The following BMPR1B variants were observed in gnomAD, a reference collection of about 807,000 sequenced individuals.
BMPR1B encodes the protein bone morphogenetic protein receptor type 1B.
Under a neutral mutation model 59.1 loss-of-function variants are expected in BMPR1B, and 12 were observed. The observed-to-expected ratio is 0.20, with a 90% confidence interval of 0.13 to 0.33. The LOEUF (loss-of-function observed/expected upper bound fraction) is 0.33. Ranked by LOEUF, BMPR1B falls within the 10% of genes least tolerant of loss-of-function variation. BMPR1B has a pLI of 1.00. For synonymous variants in BMPR1B, 237 were observed against 207.3 expected (o/e 1.14, Z -1.23); for missense variants, 550 against 610.9 (o/e 0.90, Z 1.05).
At chr4:94,848,546 T>A (rs1725433440) in intron 1 of BMPR1B, among the ~76,000 whole-genome samples, 1 of 152,134 alleles carries the variant, frequency 6.6e-6, no homozygotes, top group Non-Finnish European at 1.5e-5. Context: ...AAGAGGGAGA[T>A]CAGAGAGGTA....
Position 95,128,345 on chromosome 4 carries a change from C to A in BMPR1B, c.586-1517C>A, listed in dbSNP as rs551627964. 1.7e-3 allele frequency among the ~76,000 whole-genome samples: 264 copies of A among 152,244 alleles called. 1 individual carries two copies. The highest frequency in any genetic ancestry group is 0.01 in the Middle Eastern group (3 of 294). On this transcript the variant is annotated intron_variant, in intron 8 of 12. Coordinates refer to ENST00000515059, the MANE Select transcript of BMPR1B (RefSeq NM_001203.3). The stretch of plus-strand genomic sequence containing the variant: ...AGTTTTTAATTGGTGTAAAGTATAT[C>A]TCTACAAAGAATACGTTCCAGTTTG...
At chr4:94,998,625 G>A (rs1016550123) in intron 3 of BMPR1B, among the ~76,000 whole-genome samples, 7 of 151,912 alleles carry the variant, frequency 4.6e-5, no homozygotes, top group African/African-American at 9.7e-5. Context: ...TGCCTGTCTC[G>A]GCCTCCCAAA....
rs530441718 is a variant in BMPR1B at position 95,013,182 on chromosome 4, C to G, written c.-18+17048C>G. The stretch of plus-strand genomic sequence containing the variant: ...ACACAGATTTAGTAAATATGACTTT[C>G]AAAAGTCCCACCAACAATGACTATA... On this transcript the variant is annotated intron_variant, in intron 3 of 12. Transcript: ENST00000515059. Among the ~76,000 whole-genome samples the G allele has an allele frequency of 7.9e-5, 12 of 151,656 alleles. No homozygotes were observed. The South Asian group carries it at 1.5e-3, about 18-fold the overall frequency.
intron 1 of BMPR1B, among the ~76,000 whole-genome samples, chr4:94,862,062 C>T (rs1288629979): frequency 6.6e-6 from 1 of 151,644 alleles, no homozygotes; most frequent in Non-Finnish European, 1.5e-5. Context: ...CCACACAGTA[C>T]CTGTCAACCA....
intron 2 of BMPR1B, among the ~76,000 whole-genome samples, chr4:94,881,545 A>C (rs375150768): frequency 2.6e-5 from 4 of 151,964 alleles, no homozygotes; most frequent in African/African-American, 9.7e-5. Context: ...AGCTCACTGC[A>C]ACCTCCACCT....
intron 3 of BMPR1B, among the ~76,000 whole-genome samples, chr4:95,068,657 C>T (rs1194495871): frequency 6.6e-6 from 1 of 152,144 alleles, no homozygotes; most frequent in Admixed American, 6.6e-5. Flanking sequence ...TCCTTTTATT[C>T]CATGGGTTGG....
At chr4:94,940,360 A>G (rs1312052722) in intron 2 of BMPR1B, among the ~76,000 whole-genome samples, 2 of 152,180 alleles carry the variant, frequency 1.3e-5, no homozygotes, top group Admixed American at 6.5e-5. Flanking sequence ...AAGTGTTAGT[A>G]TATTTTATGT....
rs539171172 is a variant in BMPR1B, at chr4:94,887,889, T to C, written c.-113+11989T>C. Among the ~76,000 whole-genome samples, 8 of 152,202 alleles carry C rather than the reference T, an allele frequency of 5.3e-5. No homozygotes were observed. The East Asian group carries it at 1.5e-3, about 29-fold the overall frequency. On this transcript the variant is annotated intron_variant, in intron 2 of 12. Coordinates refer to ENST00000515059, the MANE Select transcript of BMPR1B (RefSeq NM_001203.3). The stretch of plus-strand genomic sequence containing the variant: ...ATAGAAAAAAATCGGAATCCCTATA[T>C]ATTGAAAGAGCTTACATGGGCAAAT...
intron 1 of BMPR1B, among the ~76,000 whole-genome samples, chr4:94,870,164 C>T (rs1418015080): frequency 2.0e-5 from 3 of 152,134 alleles, no homozygotes; most frequent in Admixed American, 1.3e-4. Flanking sequence ...GGATAAAAGT[C>T]ATGTTACAGG....
chr4:94,878,675 T>G (rs1726834305), intron 2 of BMPR1B, among the ~76,000 whole-genome samples: 1 of 151,998 alleles, frequency 6.6e-6, no homozygotes, highest in African/African-American at 2.4e-5. Flanking sequence ...ATATAGGGCC[T>G]AGTGCAGAAG....
chr4:94,874,593 CTG>C (rs938836011), intron 1 of BMPR1B, among the ~76,000 whole-genome samples: 4 of 152,082 alleles, frequency 2.6e-5, no homozygotes, highest in African/African-American at 9.7e-5. Flanking sequence ...TAACAAAAGG[CTG>C]TAGAAATCTG....
chr4:95,063,853 C>T (rs1034237819), intron 3 of BMPR1B, among the ~76,000 whole-genome samples: 24 of 152,086 alleles, frequency 1.6e-4, no homozygotes, highest in African/African-American at 5.3e-4. Context: ...AAGACACGAA[C>T]AGGGCATTCA....
At chr4:95,115,839 A>G (rs1457871789) in intron 6 of BMPR1B, 52 bp downstream of exon 6, 1 of 1,476,336 alleles carries the variant, frequency 6.8e-7, no homozygotes. Context: ...CATGAAAATA[A>G]AAACTAAAAA....
chr4:95,125,985 T>C (rs939039578), intron 8 of BMPR1B, among the ~76,000 whole-genome samples: 2 of 152,092 alleles, frequency 1.3e-5, no homozygotes, highest in African/African-American at 4.8e-5. Flanking sequence ...AAATACAACA[T>C]ATATCCACGT....
At chr4:95,011,236 G>T (rs1047950718) in intron 3 of BMPR1B, among the ~76,000 whole-genome samples, 1 of 151,352 alleles carries the variant, frequency 6.6e-6, no homozygotes, top group Non-Finnish European at 1.5e-5. Context: ...CTCTCCCTCC[G>T]CCCACCCTCC....
intron 3 of BMPR1B, among the ~76,000 whole-genome samples, chr4:95,077,631 T>C (rs1359852110): frequency 6.6e-6 from 1 of 152,188 alleles, no homozygotes; most frequent in Admixed American, 6.5e-5. Flanking sequence ...TGTATGCTCT[T>C]CCTATTAAAA....
At chr4:95,110,584 T>C (rs898209941) in intron 4 of BMPR1B, among the ~76,000 whole-genome samples, 1 of 152,152 alleles carries the variant, frequency 6.6e-6, no homozygotes, top group African/African-American at 2.4e-5. Flanking sequence ...TCTAAGATGA[T>C]AGGGGAAAAG....
chr4:95,062,187 G>A (rs878965766), intron 3 of BMPR1B, among the ~76,000 whole-genome samples: 3 of 151,768 alleles, frequency 2.0e-5, no homozygotes, highest in Non-Finnish European at 2.9e-5. Context: ...TATACCACAG[G>A]AGCATTTTAT....
At chr4:95,039,224 A>G (rs1357529234) in intron 3 of BMPR1B, among the ~76,000 whole-genome samples, 1 of 152,180 alleles carries the variant, frequency 6.6e-6, no homozygotes, top group African/African-American at 2.4e-5. Context: ...CTTTACCTCC[A>G]TAACTTGAGT....
Sources: gnomAD v4.1 joint callset for allele counts (sites outside exome capture counted in the v4.1 genomes callset) on GRCh38, gnomAD v4.1.1 for gene constraint, MANE v1.5 for transcripts, NCBI Gene and HGNC (gene_info 2026-07-23, HGNC 2026-07-21) for gene names.